KDM4C: variants seen among roughly 807,000 people sequenced by gnomAD.
KDM4C encodes lysine demethylase 4C.
In KDM4C, 81 loss-of-function variants were observed where a neutral mutation model predicts 129.3. The ratio of observed to expected loss-of-function variants is 0.63; its 90% CI spans 0.52 to 0.75. KDM4C has a LOEUF of 0.75. Ranked by LOEUF, KDM4C falls within the 30% of genes least tolerant of loss-of-function variation. The pLI is 0.00. For missense variants in KDM4C, 1,457 were observed against 1,304.0 expected (o/e 1.12, Z -1.81); for synonymous variants, 573 against 456.1 (o/e 1.26, Z -3.26).
chr9:7,157,976 G>T (rs146860202), intron 19 of KDM4C, among the ~76,000 whole-genome samples: 2 of 152,092 alleles, frequency 1.3e-5, no homozygotes, highest in African/African-American at 4.8e-5. Flanking sequence ...CTGTGAATCC[G>T]TCTGGTCCTG....
At chr9:6,875,961 A>G (rs1843486145) in intron 5 of KDM4C, among the ~76,000 whole-genome samples, 1 of 152,224 alleles carries the variant, frequency 6.6e-6, no homozygotes, top group Non-Finnish European at 1.5e-5. Context: ...TGATTTGAGT[A>G]TCCTGCGTTT....
At chr9:6,990,378 A>G in intron 11 of KDM4C, 38 bp from the exon 12 acceptor site, 1 of 1,258,052 alleles carries the variant, frequency 7.9e-7, no homozygotes, top group African/African-American at 1.5e-5. Flanking sequence ...TTTGTTTTTG[A>G]TAATGGTATT....
chr9:6,721,673 C>G (rs1332544829), intron 1 of KDM4C, among the ~76,000 whole-genome samples: 2 of 151,588 alleles, frequency 1.3e-5, no homozygotes, highest in Non-Finnish European at 2.9e-5. Flanking sequence ...ACTGCAACCT[C>G]CGCCTCCCGG....
chr9:7,008,479 C>T (rs115920044), intron 12 of KDM4C, among the ~76,000 whole-genome samples: 1 of 152,212 alleles, frequency 6.6e-6, no homozygotes. Flanking sequence ...GACCCAGGCT[C>T]CAAGCTGGTC....
At chr9:6,835,655 G>T in intron 4 of KDM4C, 1 of 746,310 alleles carries the variant, frequency 1.3e-6, no homozygotes, top group Non-Finnish European at 2.4e-6. Flanking sequence ...AGATTGGCAT[G>T]GCTTTATTTT....
chr9:7,038,959 A>C (rs749959127), intron 15 of KDM4C, among the ~76,000 whole-genome samples: 4 of 152,076 alleles, frequency 2.6e-5, no homozygotes, highest in Non-Finnish European at 4.4e-5. Flanking sequence ...TCCAGAAAAC[A>C]ATTTTTGATA....
chr9:6,794,495 T>A (rs948834186), intron 2 of KDM4C, among the ~76,000 whole-genome samples: 1 of 152,180 alleles, frequency 6.6e-6, no homozygotes, highest in African/African-American at 2.4e-5. Flanking sequence ...ATATGGTGGC[T>A]GTTTGTTTCT....
intron 15 of KDM4C, among the ~76,000 whole-genome samples, chr9:7,025,075 T>G (rs1373164711): frequency 6.6e-6 from 1 of 152,256 alleles, no homozygotes; most frequent in Non-Finnish European, 1.5e-5. Context: ...GATTGTTATA[T>G]TCTCTTGCTC....
intron 17 of KDM4C, among the ~76,000 whole-genome samples, chr9:7,063,172 A>G (rs1234245714): frequency 6.6e-6 from 1 of 152,226 alleles, no homozygotes; most frequent in Non-Finnish European, 1.5e-5. Context: ...ACCGTATGTA[A>G]GAGATAGTTT....
chr9:6,989,869 G>T (rs1222456571), intron 11 of KDM4C, among the ~76,000 whole-genome samples: 14 of 151,912 alleles, frequency 9.2e-5, no homozygotes, highest in African/African-American at 3.4e-4. Flanking sequence ...CCACCTCCTG[G>T]GCTCAAGGGA....
intron 19 of KDM4C, among the ~76,000 whole-genome samples, chr9:7,142,747 A>C (rs925506563): frequency 6.6e-6 from 1 of 152,204 alleles, no homozygotes; most frequent in African/African-American, 2.4e-5. Flanking sequence ...AGAAATACAG[A>C]AGGATTTAAG....
intron 1 of KDM4C, among the ~76,000 whole-genome samples, chr9:6,777,795 T>C (rs1823404521): frequency 1.3e-5 from 2 of 152,160 alleles, no homozygotes; most frequent in South Asian, 4.1e-4. Context: ...TGGTTTGTAA[T>C]TGGAAACTGA....
chr9:7,076,998 G>C (rs1357377517), intron 17 of KDM4C: 1 of 985,406 alleles, frequency 1.0e-6, no homozygotes, highest in African/African-American at 1.7e-5. Context: ...TCCACTCTAT[G>C]TCTGTCAGCC....
chr9:6,954,369 A>T (rs1180421492), intron 8 of KDM4C, among the ~76,000 whole-genome samples: 1 of 151,848 alleles, frequency 6.6e-6, no homozygotes, highest in Non-Finnish European at 1.5e-5. Context: ...TTATGTCTGT[A>T]TTTTCGTAGA....
At chr9:6,966,603 G>C (rs368320910) in intron 8 of KDM4C, among the ~76,000 whole-genome samples, 1 of 152,188 alleles carries the variant, frequency 6.6e-6, no homozygotes, top group Non-Finnish European at 1.5e-5. Flanking sequence ...GAATAAATCT[G>C]TATGTAGATC....
At chr9:6,809,544 G>A (rs889510161) in intron 3 of KDM4C, among the ~76,000 whole-genome samples, 2 of 152,170 alleles carry the variant, frequency 1.3e-5, no homozygotes, top group African/African-American at 2.4e-5. Flanking sequence ...AACTGCCATA[G>A]GAAAGGTACA....
intron 7 of KDM4C, among the ~76,000 whole-genome samples, chr9:6,890,391 G>A (rs574315497): frequency 4.6e-5 from 7 of 152,278 alleles, no homozygotes; most frequent in Admixed American, 1.3e-4. Context: ...CTTCAACTCA[G>A]CCCTCTTCCT....
chr9:7,122,105 C>T (rs143210913), intron 18 of KDM4C, among the ~76,000 whole-genome samples: 26 of 152,176 alleles, frequency 1.7e-4, no homozygotes, highest in Admixed American at 3.9e-4. Flanking sequence ...GTTTAATTGA[C>T]TTATGGTTCT....
At chr9:7,111,996 A>G (rs1442354191) in intron 18 of KDM4C, among the ~76,000 whole-genome samples, 1 of 151,882 alleles carries the variant, frequency 6.6e-6, no homozygotes, top group Non-Finnish European at 1.5e-5. Flanking sequence ...ACCCACAGGT[A>G]CTCAGTTCAC....
Sources: allele counts gnomAD v4.1 joint callset (sites outside exome capture counted in the v4.1 genomes callset), GRCh38; gene constraint gnomAD v4.1.1; transcripts MANE v1.5; gene names NCBI Gene and HGNC (gene_info 2026-07-23, HGNC 2026-07-21).